KCNJ6: variants seen among roughly 807,000 people sequenced by gnomAD.
The protein encoded by KCNJ6 is G protein-activated inward rectifier potassium channel 2.
Under a neutral mutation model 34.2 loss-of-function variants are expected in KCNJ6, and 9 were observed. The observed-to-expected ratio is 0.26, with a 90% CI of 0.16 to 0.46. KCNJ6 has a LOEUF of 0.46. Ranked by LOEUF, KCNJ6 falls within the 20% of genes least tolerant of loss-of-function variation. The probability of loss-of-function intolerance (pLI) is 1.00; values close to 1 mark genes in which losing one functional copy is unlikely to be tolerated. For synonymous variants in KCNJ6, 196 were observed against 207.1 expected (o/e 0.95, Z 0.46); for missense variants, 236 against 531.3 (o/e 0.44, Z 5.46).
At chr21:37,647,708 C>T (rs969284530) in intron 3 of KCNJ6, among the ~76,000 whole-genome samples, 3 of 152,174 alleles carry the variant, frequency 2.0e-5, no homozygotes, top group Admixed American at 6.5e-5. Flanking sequence ...ATCATCCATT[C>T]CTTCTCATGG....
rs1256427300 is a variant in KCNJ6 at position 37,756,397 on chromosome 21, G to A, written c.26-41266C>T. On this transcript the variant is annotated intron_variant, in intron 2 of 3. Coordinates refer to ENST00000609713, the MANE Select transcript of KCNJ6 (RefSeq NM_002240.5). ...GTCAGAGAATGGGTGGTGGGAGCAG[G>A]GCTGGCGTGGGGGCCTGGGAGAAGG... Among the ~76,000 whole-genome samples the A allele has an allele frequency of 2.6e-5, 4 of 152,348 alleles. No individual in the cohort carries two copies. In the East Asian group the frequency reaches 7.7e-4, roughly 29 times the overall value.
chr21:37,848,389 T>C (rs2055520798), intron 1 of KCNJ6, among the ~76,000 whole-genome samples: 1 of 152,222 alleles, frequency 6.6e-6, no homozygotes, highest in South Asian at 2.1e-4. Flanking sequence ...CAATTTGGGG[T>C]AAAAACATCT....
At chr21:37,821,563 C>A (rs1361962284) in intron 2 of KCNJ6, among the ~76,000 whole-genome samples, 1 of 151,952 alleles carries the variant, frequency 6.6e-6, no homozygotes, top group Non-Finnish European at 1.5e-5. Flanking sequence ...CCCAACAGGC[C>A]CCAATGTGTG....
chr21:37,675,893 G>A lies in KCNJ6; in HGVS notation c.946+38318C>T, dbSNP rs1248665859. Among the ~76,000 whole-genome samples the A allele has an allele frequency of 6.6e-6, 1 of 152,184 alleles. No homozygotes were observed. The highest frequency in any genetic ancestry group is 1.9e-4 in the East Asian group (1 of 5,172). ...GGGTGGGGGTGGGGGTGGGGGTGGG[G>A]TGCGCCGACCCTGCTGCGCTTGTCA... On this transcript the variant is annotated intron_variant, in intron 3 of 3. Transcript: ENST00000609713. This position sits in a 1 kb window ranked among gnomAD's most constrained non-coding sequence, Gnocchi z 4.2.
At chr21:37,686,615 C>T (rs1477569210) in intron 3 of KCNJ6, among the ~76,000 whole-genome samples, 1 of 151,700 alleles carries the variant, frequency 6.6e-6, no homozygotes, top group Admixed American at 6.6e-5. Flanking sequence ...TTACAGGCAC[C>T]CACCATCATG....
At chr21:37,835,033 T>C (rs1310476991) in intron 2 of KCNJ6, among the ~76,000 whole-genome samples, 1 of 152,162 alleles carries the variant, frequency 6.6e-6, no homozygotes, top group Admixed American at 6.5e-5. Flanking sequence ...GAATGGCTCA[T>C]GACAACAACC....
At chr21:37,776,938 C>T (rs1217677773) in intron 2 of KCNJ6, among the ~76,000 whole-genome samples, 1 of 151,940 alleles carries the variant, frequency 6.6e-6, no homozygotes, top group Non-Finnish European at 1.5e-5. Flanking sequence ...AGCTCCTCCT[C>T]GTACCTCTGG....
chr21:37,810,845 G>A (rs1016822337), intron 2 of KCNJ6, among the ~76,000 whole-genome samples: 1 of 152,166 alleles, frequency 6.6e-6, no homozygotes, highest in Non-Finnish European at 1.5e-5. Flanking sequence ...CAATAGCGGT[G>A]CTAAGGTGCA....
At chr21:37,775,083 C>T (rs2123506795) in intron 2 of KCNJ6, among the ~76,000 whole-genome samples, 1 of 152,290 alleles carries the variant, frequency 6.6e-6, no homozygotes, top group South Asian at 2.1e-4. Flanking sequence ...TTTTGATTTG[C>T]ATTTCTCTGG....
chr21:37,653,605 T>G (rs1390173999), intron 3 of KCNJ6, among the ~76,000 whole-genome samples: 1 of 152,232 alleles, frequency 6.6e-6, no homozygotes, highest in Non-Finnish European at 1.5e-5. Context: ...ATTGCTGTTA[T>G]CAACTGCCAA....
chr21:37,733,615 T>A (rs2054897544), intron 2 of KCNJ6, among the ~76,000 whole-genome samples: 1 of 152,248 alleles, frequency 6.6e-6, no homozygotes, highest in African/African-American at 2.4e-5. Context: ...TAGGGTTTTT[T>A]AGGATAAAAT....
chr21:37,805,583 C>T (rs899132199), intron 2 of KCNJ6, among the ~76,000 whole-genome samples: 1 of 150,444 alleles, frequency 6.6e-6, no homozygotes, highest in African/African-American at 2.4e-5. Context: ...GTGTTCCCTT[C>T]TTGTTTATTG....
chr21:37,751,639 A>G (rs2054996311), intron 2 of KCNJ6, among the ~76,000 whole-genome samples: 1 of 152,170 alleles, frequency 6.6e-6, no homozygotes, highest in South Asian at 2.1e-4. Context: ...TCTAAATGTG[A>G]TGTTTATGGT....
At chr21:37,857,073 A>T (rs1464350621) in intron 1 of KCNJ6, among the ~76,000 whole-genome samples, 1 of 152,274 alleles carries the variant, frequency 6.6e-6, no homozygotes, top group African/African-American at 2.4e-5. Flanking sequence ...GCATTTCTTT[A>T]AACCATTCCT....
At position 37,607,482 on chromosome 21, in the gene KCNJ6, A is replaced by ATATATATATATATATATATATATT; in HGVS notation, c.*17676_*17677insAATATATATATATATATATATATA. 40 of 136,748 alleles carry ATATATATATATATATATATATATT rather than the reference A, an allele frequency of 2.9e-4. No homozygotes were observed. The highest frequency in any genetic ancestry group is 2.5e-3 in the East Asian group (11 of 4,376). 8.5% of individuals were successfully genotyped at this position (136,748 alleles called of 1,614,324 possible). On this transcript the variant is annotated 3_prime_UTR_variant, in exon 4 of 4. Transcript: ENST00000609713. ...CTTAAAGATATATATATATATATAT[A>ATATATATATATATATATATATATT]TTTTTTTTTTATTTTAAAAAAATTT...
intron 1 of KCNJ6, among the ~76,000 whole-genome samples, chr21:37,913,146 G>A (rs758908965): frequency 3.9e-5 from 6 of 152,168 alleles, no homozygotes; most frequent in Non-Finnish European, 5.9e-5. Flanking sequence ...AGTTGTGGTG[G>A]TGGGGGACCT....
intron 2 of KCNJ6, among the ~76,000 whole-genome samples, chr21:37,774,067 G>A (rs1377633409): frequency 2.0e-5 from 3 of 152,132 alleles, no homozygotes; most frequent in African/African-American, 4.8e-5. Flanking sequence ...CCTGAAGATG[G>A]ATTCTGTGTC....
chr21:37,891,246 CAGACACACACAGGCAA>C (rs2055760506), intron 1 of KCNJ6, among the ~76,000 whole-genome samples: 1 of 139,802 alleles, frequency 7.2e-6, no homozygotes, highest in African/African-American at 3.0e-5. Flanking sequence ...GAACCACACA[CAGACACACACAGGCAA>C]AGACACACAC....
chr21:37,767,616 C>G (rs541837508), intron 2 of KCNJ6, among the ~76,000 whole-genome samples: 3 of 152,150 alleles, frequency 2.0e-5, no homozygotes, highest in Admixed American at 6.5e-5. Flanking sequence ...ACTGCGGAAG[C>G]TGAGAAATTC....
Sources: allele counts gnomAD v4.1 joint callset (sites outside exome capture counted in the v4.1 genomes callset), GRCh38; gene constraint gnomAD v4.1.1; non-coding constraint Gnocchi (gnomAD v3.1); transcripts MANE v1.5; gene names NCBI Gene and HGNC (gene_info 2026-07-23, HGNC 2026-07-21).